Variants in CFAP61 observed in about 807,000 individuals in gnomAD.
The protein encoded by CFAP61 is cilia- and flagella-associated protein 61.
In CFAP61, 107 loss-of-function variants were observed where a neutral mutation model predicts 135.6. The observed-to-expected ratio is 0.79, with a 90% CI of 0.67 to 0.93. The LOEUF (loss-of-function observed/expected upper bound fraction) is 0.93, where lower values mean the gene tolerates loss of function less well. CFAP61 is among the 40% of genes least tolerant of loss of function. CFAP61 has a pLI of 0.00. For missense variants in CFAP61, 1,507 were observed against 1,556.2 expected, an observed-to-expected ratio of 0.97 and a Z score of 0.53; for synonymous variants, 575 against 578.5, an observed-to-expected ratio of 0.99 and a Z score of 0.09.
At chr20:20,323,357 T>C (rs2057612215) in intron 25 of CFAP61, 1 of 970,844 alleles carries the variant, frequency 1.0e-6, no homozygotes, top group Admixed American at 6.2e-5. Flanking sequence ...AAACACAATT[T>C]GTTCCTAAAA....
intron 18 of CFAP61, among the ~76,000 whole-genome samples, chr20:20,229,945 C>T (rs978817276): frequency 2.0e-5 from 3 of 152,086 alleles, no homozygotes; most frequent in Non-Finnish European, 2.9e-5. Context: ...GTCTCTTCCT[C>T]GAAAACTTTT....
intron 25 of CFAP61, among the ~76,000 whole-genome samples, chr20:20,313,459 CAG>C (rs869157074): frequency 1.3e-5 from 2 of 152,194 alleles, no homozygotes; most frequent in Admixed American, 6.5e-5. Flanking sequence ...TGTAGGCAAA[CAG>C]AGGGTGTTTT....
At chr20:20,339,746 G>A (rs1289155179) in intron 25 of CFAP61, among the ~76,000 whole-genome samples, 1 of 152,130 alleles carries the variant, frequency 6.6e-6, no homozygotes, top group African/African-American at 2.4e-5. Context: ...GCCTCCCAAA[G>A]TGCTGGGATT....
chr20:20,071,141 G>T, intron 3 of CFAP61, 137 bp downstream of exon 3: 1 of 902,674 alleles, frequency 1.1e-6, no homozygotes, highest in Non-Finnish European at 1.6e-6. Context: ...GGAGCTGGTG[G>T]GGAGGAAAAG....
At chr20:20,076,750 C>T (rs1169252455) in intron 6 of CFAP61, among the ~76,000 whole-genome samples, 2 of 152,140 alleles carry the variant, frequency 1.3e-5, no homozygotes, top group Non-Finnish European at 2.9e-5. Flanking sequence ...CTATGATTTA[C>T]CAGGCATGTA....
At chr20:20,157,916 AAC>A (rs2053069230) in intron 9 of CFAP61, among the ~76,000 whole-genome samples, 2 of 152,208 alleles carry the variant, frequency 1.3e-5, no homozygotes, top group Non-Finnish European at 2.9e-5. Context: ...AAACTCTCAA[AAC>A]ACAATAATAC....
At chr20:20,236,647 G>A (rs6136969) in intron 18 of CFAP61, among the ~76,000 whole-genome samples, 1 of 152,142 alleles carries the variant, frequency 6.6e-6, no homozygotes, top group Non-Finnish European at 1.5e-5. Context: ...CCATTAAGAA[G>A]GAAGGCCCAA....
intron 13 of CFAP61, among the ~76,000 whole-genome samples, chr20:20,174,940 C>T (rs982908266): frequency 6.6e-6 from 1 of 152,190 alleles, no homozygotes; most frequent in African/African-American, 2.4e-5. Context: ...TTTCTGTCCC[C>T]GCGTCCCCAT....
At chr20:20,110,251 A>G (rs1331656767) in intron 8 of CFAP61, among the ~76,000 whole-genome samples, 1 of 151,976 alleles carries the variant, frequency 6.6e-6, no homozygotes, top group Non-Finnish European at 1.5e-5. Flanking sequence ...CTGCAAATTG[A>G]CCAACAGATT....
intron 21 of CFAP61, among the ~76,000 whole-genome samples, chr20:20,271,157 A>G (rs199953244): frequency 2.6e-5 from 4 of 152,136 alleles, no homozygotes; most frequent in African/African-American, 4.8e-5. Context: ...CTAGCCAGGC[A>G]TAGTGGCACG....
chr20:20,078,528 T>C (rs1205145425), intron 6 of CFAP61, among the ~76,000 whole-genome samples: 3 of 152,000 alleles, frequency 2.0e-5, no homozygotes, highest in Admixed American at 2.0e-4. Flanking sequence ...AGGTAGGAAA[T>C]AGAAACAGAG....
chr20:20,193,136 A>G (rs1366012474), intron 15 of CFAP61, among the ~76,000 whole-genome samples: 5 of 152,122 alleles, frequency 3.3e-5, no homozygotes, highest in Non-Finnish European at 1.5e-5. Context: ...TTCACTATTT[A>G]TACCTTTAGT....
intron 26 of CFAP61, among the ~76,000 whole-genome samples, chr20:20,347,804 A>G (rs2058684759): frequency 6.6e-6 from 1 of 151,902 alleles, no homozygotes; most frequent in South Asian, 2.1e-4. Context: ...ATGGTGGCAC[A>G]TATCTGTAAT....
At chr20:20,169,247 G>GT (rs1297129038) in intron 12 of CFAP61, 74 bp from the exon 13 acceptor site, 6 of 1,424,256 alleles carry the variant, frequency 4.2e-6, no homozygotes, top group African/African-American at 1.4e-5. Context: ...TTTTCTTGGT[G>GT]TTTTTTAGAG....
intron 21 of CFAP61, among the ~76,000 whole-genome samples, chr20:20,273,100 C>T (rs1360761578): frequency 7.0e-6 from 1 of 142,164 alleles, no homozygotes; most frequent in African/African-American, 2.6e-5. Context: ...AGGCTGGCCT[C>T]GAACTCCTGG....
intron 11 of CFAP61, among the ~76,000 whole-genome samples, chr20:20,165,401 A>G (rs2064445): frequency 0.9 from 136,821 of 152,072 alleles, 62,373 homozygotes; most frequent in Middle Eastern, 0.99. Context: ...ATATCTGAGC[A>G]GGGGATAAGT....
intron 26 of CFAP61, among the ~76,000 whole-genome samples, chr20:20,347,030 T>C (rs1465457222): frequency 6.6e-6 from 1 of 152,220 alleles, no homozygotes; most frequent in East Asian, 1.9e-4. Flanking sequence ...CAATACATTT[T>C]AACAGATTAA....
At chr20:20,111,819 G>A (rs371357781) in intron 8 of CFAP61, among the ~76,000 whole-genome samples, 161 of 152,288 alleles carry the variant, frequency 1.1e-3, no homozygotes, top group African/African-American at 3.7e-3. Context: ...TTTAAACAAA[G>A]CCATAATTTT....
intron 8 of CFAP61, among the ~76,000 whole-genome samples, chr20:20,141,638 C>T (rs981204402): frequency 2.0e-5 from 3 of 152,156 alleles, no homozygotes; most frequent in Non-Finnish European, 4.4e-5. Context: ...TCATTTTTAT[C>T]TTAGAATTTC....
Sources: allele counts gnomAD v4.1 joint callset (sites outside exome capture counted in the v4.1 genomes callset), GRCh38; gene constraint gnomAD v4.1.1; transcripts MANE v1.5; gene names NCBI Gene and HGNC (gene_info 2026-07-23, HGNC 2026-07-21).